Variants in GALNT17 observed in about 807,000 individuals in gnomAD.
The protein encoded by GALNT17 is polypeptide N-acetylgalactosaminyltransferase 17.
GALNT17 carries 29 observed loss-of-function variants against 63.7 expected under a neutral mutation model. That is an observed-to-expected ratio of 0.46 (90% CI 0.34 to 0.62). The LOEUF (loss-of-function observed/expected upper bound fraction) is 0.62. GALNT17 is among the 20% of genes least tolerant of loss of function. The pLI is 0.01. For missense variants in GALNT17, 603 were observed against 799.6 expected (o/e 0.75, Z 2.97); for synonymous variants, 305 against 318.3 (o/e 0.96, Z 0.45).
chr7:71,387,575 G>A (rs373043363), intron 2 of GALNT17, among the ~76,000 whole-genome samples: 2 of 152,048 alleles, frequency 1.3e-5, no homozygotes, highest in Non-Finnish European at 2.9e-5. Context: ...ACGCTCCCAC[G>A]TCGGCCTCCC....
rs570050823 is a variant in GALNT17 at position 71,608,556 on chromosome 7, A to G, written c.1080+37154A>G. Among the ~76,000 whole-genome samples the G allele has an allele frequency of 1.4e-4, 21 of 152,320 alleles. No homozygotes were observed. In the South Asian group the frequency reaches 3.5e-3, roughly 26 times the overall value. On this transcript the variant is annotated intron_variant, in intron 6 of 10. Transcript: ENST00000333538. Reference sequence around the variant, plus strand: ...TAATTTTGAGCTCTGCTATTGTAACAGCAAAGGGAGACCTGAATTGTGCTT... The same window carrying G: ...TAATTTTGAGCTCTGCTATTGTAACGGCAAAGGGAGACCTGAATTGTGCTT...
chr7:71,307,400 A>G (rs774529885), intron 1 of GALNT17, among the ~76,000 whole-genome samples: 1 of 151,936 alleles, frequency 6.6e-6, no homozygotes, highest in Non-Finnish European at 1.5e-5. Flanking sequence ...CCTGCTGGGT[A>G]TATGTTATTA....
chr7:71,374,459 G>A (rs1297187091), intron 2 of GALNT17, among the ~76,000 whole-genome samples: 1 of 152,256 alleles, frequency 6.6e-6, no homozygotes, highest in African/African-American at 2.4e-5. Context: ...GGCTAGCCCA[G>A]TCTTCTCATT....
At chr7:71,212,965 G>A (rs944011459) in intron 1 of GALNT17, among the ~76,000 whole-genome samples, 1 of 152,182 alleles carries the variant, frequency 6.6e-6, no homozygotes, top group African/African-American at 2.4e-5. Context: ...TTAGGTTAAT[G>A]CTGAAATGAA....
intron 6 of GALNT17, among the ~76,000 whole-genome samples, chr7:71,627,084 G>T (rs951246230): frequency 6.6e-6 from 1 of 152,188 alleles, no homozygotes; most frequent in Admixed American, 6.5e-5. Flanking sequence ...CAGTTTCATG[G>T]GTTGTCATAG....
intron 2 of GALNT17, among the ~76,000 whole-genome samples, chr7:71,344,557 CT>C (rs1011104046): frequency 1.4e-4 from 22 of 151,800 alleles, no homozygotes; most frequent in African/African-American, 4.6e-4. Context: ...ATTATAATTT[CT>C]TTTTTTTAAA....
At chr7:71,153,493 G>C (rs1788171537) in intron 1 of GALNT17, among the ~76,000 whole-genome samples, 1 of 152,182 alleles carries the variant, frequency 6.6e-6, no homozygotes, top group South Asian at 2.1e-4. Flanking sequence ...AGGTAGAGTC[G>C]ATGATGGAAA....
intron 1 of GALNT17, among the ~76,000 whole-genome samples, chr7:71,194,780 C>G (rs988186712): frequency 6.6e-6 from 1 of 152,196 alleles, no homozygotes; most frequent in East Asian, 1.9e-4. Context: ...TTTGGTTACT[C>G]CCTTTAATTA....
intron 1 of GALNT17, among the ~76,000 whole-genome samples, chr7:71,264,976 A>C (rs967625644): frequency 9.3e-5 from 14 of 150,902 alleles, no homozygotes; most frequent in Admixed American, 7.3e-4. Context: ...CTAGAAGAGG[A>C]CTTGAAATGT....
chr7:71,565,404 T>C (rs191987489), intron 5 of GALNT17, among the ~76,000 whole-genome samples: 30 of 152,052 alleles, frequency 2.0e-4, no homozygotes, highest in South Asian at 6.3e-4. Flanking sequence ...CTCTGTCTGC[T>C]CCCCTCTTTC....
At chr7:71,309,283 C>CT (rs1410969973) in intron 1 of GALNT17, among the ~76,000 whole-genome samples, 4 of 152,148 alleles carry the variant, frequency 2.6e-5, no homozygotes, top group African/African-American at 7.2e-5. Context: ...CCTTGGCAGT[C>CT]TAATTCCTGT....
chr7:71,418,953 C>T (rs557654745), intron 4 of GALNT17, among the ~76,000 whole-genome samples: 16 of 152,150 alleles, frequency 1.1e-4, no homozygotes, highest in South Asian at 2.1e-4. Flanking sequence ...CAAATACAGG[C>T]GCCTGTAATC....
intron 5 of GALNT17, among the ~76,000 whole-genome samples, chr7:71,431,204 CT>C (rs200842106): frequency 0.56 from 75,696 of 135,950 alleles, 22,989 homozygotes; most frequent in Non-Finnish European, 0.68. Flanking sequence ...TTTTTCTTTT[CT>C]TTTCTTTTTT....
At chr7:71,322,038 A>C (rs1369600838) in intron 1 of GALNT17, among the ~76,000 whole-genome samples, 1 of 149,214 alleles carries the variant, frequency 6.7e-6, no homozygotes, top group Non-Finnish European at 1.5e-5. Context: ...TGCAGCCTCA[A>C]CCTCCTGAGC....
intron 1 of GALNT17, among the ~76,000 whole-genome samples, chr7:71,134,688 A>T (rs1282241839): frequency 2.6e-5 from 4 of 152,096 alleles, no homozygotes; most frequent in African/African-American, 4.8e-5. Flanking sequence ...TTCTGGAGGA[A>T]TCAGAAACTT....
chr7:71,523,614 G>T (rs1788565565), intron 5 of GALNT17, among the ~76,000 whole-genome samples: 2 of 151,770 alleles, frequency 1.3e-5, no homozygotes, highest in African/African-American at 4.8e-5. Flanking sequence ...AATTAGTGGG[G>T]TGCGGTGGCC....
At chr7:71,702,170 A>G (rs996504606) in intron 9 of GALNT17, among the ~76,000 whole-genome samples, 5 of 152,104 alleles carry the variant, frequency 3.3e-5, no homozygotes, top group African/African-American at 9.6e-5. Flanking sequence ...AAAAGTGCCT[A>G]CTGGGTACTA....
At chr7:71,410,081 A>G (rs1159838566) in intron 3 of GALNT17, among the ~76,000 whole-genome samples, 1 of 152,226 alleles carries the variant, frequency 6.6e-6, no homozygotes, top group East Asian at 1.9e-4. Context: ...GTTGTTATCT[A>G]TAGAGCAGTT....
intron 2 of GALNT17, among the ~76,000 whole-genome samples, chr7:71,375,752 G>A (rs1238287934): frequency 6.6e-6 from 1 of 152,142 alleles, no homozygotes; most frequent in Non-Finnish European, 1.5e-5. Flanking sequence ...GAAACCTACT[G>A]GGCCAGACGT....
Sources: allele counts gnomAD v4.1 joint callset (sites outside exome capture counted in the v4.1 genomes callset), GRCh38; gene constraint gnomAD v4.1.1; transcripts MANE v1.5; gene names NCBI Gene and HGNC (gene_info 2026-07-23, HGNC 2026-07-21).